The following AP2A1 variants were observed in gnomAD, a reference collection of about 807,000 sequenced individuals.
AP2A1 encodes the protein AP-2 complex subunit alpha-1.
Under a neutral mutation model 107.3 loss-of-function variants are expected in AP2A1, and 21 were observed. The observed-to-expected ratio is 0.20, with a 90% CI of 0.14 to 0.28. The LOEUF (loss-of-function observed/expected upper bound fraction) is 0.28, where lower values mean the gene tolerates loss of function less well. Ranked by LOEUF, AP2A1 falls within the 10% of genes least tolerant of loss-of-function variation. The pLI, the probability that AP2A1 is intolerant of heterozygous loss-of-function variation, is 1.00. For synonymous variants in AP2A1, 602 were observed against 564.8 expected (o/e 1.07, Z -0.93); for missense variants, 873 against 1,307.7 (o/e 0.67, Z 5.13).
At chr19:49,770,818 G>T (rs916750273) in intron 1 of AP2A1, among the ~76,000 whole-genome samples, 2 of 152,154 alleles carry the variant, frequency 1.3e-5, no homozygotes, top group Admixed American at 1.3e-4. Flanking sequence ...GTAGGGGCTG[G>T]TGGGATGGGG....
In AP2A1 at chr19:49,767,002, C is replaced by CCAGG. The variant is rs2084508597; in HGVS notation, c.-129_-128insGCAG. ...GCCTGCCAGCCCGCCCGCCCGCCCG[C>CCAGG]CAGCCAGCCCTCCCCGCGGCCGGCT... On this transcript the variant is annotated 5_prime_UTR_variant, in exon 1 of 23. Transcript: ENST00000354293. 3 of 924,176 alleles carry CCAGG rather than the reference C, an allele frequency of 3.2e-6. No individual in the cohort carries two copies. The highest frequency in any genetic ancestry group is 4.4e-6 in the Non-Finnish European group (3 of 687,996). 57.2% of individuals were successfully genotyped at this position (924,176 alleles called of 1,614,324 possible).
At chr19:49,798,083 T>C (rs938190181) in intron 7 of AP2A1, among the ~76,000 whole-genome samples, 1 of 152,246 alleles carries the variant, frequency 6.6e-6, no homozygotes, top group South Asian at 2.1e-4. Flanking sequence ...CTCTATCTGG[T>C]GAATTTTCCT....
chr19:49,802,826 G>A (rs1423990120), intron 15 of AP2A1, 123 bp from the exon 16 acceptor site: 2 of 1,218,050 alleles, frequency 1.6e-6, no homozygotes, highest in African/African-American at 3.0e-5. Context: ...GAGGCTCTGT[G>A]AGGGGTCTGG....
intron 6 of AP2A1, among the ~76,000 whole-genome samples, chr19:49,794,343 T>C (rs2123728743): frequency 6.6e-6 from 1 of 151,704 alleles, no homozygotes; most frequent in South Asian, 2.1e-4. Context: ...GCCTCCCGAG[T>C]AGCTGGGACT....
chr19:49,804,514 T>A lies in AP2A1; in HGVS notation c.2345-939T>A, dbSNP rs1024749508. The stretch of plus-strand genomic sequence containing the variant: ...GAGATTGCGCCGCTGCACTCCAGCC[T>A]GGGCGACAGCGAGACTCCGTCTCAG... On this transcript the variant is annotated intron_variant, in intron 18 of 22. Coordinates refer to ENST00000354293, the MANE Select transcript of AP2A1 (RefSeq NM_130787.3). 3 of 147,848 alleles carry A rather than the reference T, an allele frequency of 2.0e-5. No homozygotes were observed. In the East Asian group the frequency reaches 6.0e-4, roughly 29 times the overall value. The allele number at this position is 147,848 out of a possible 1,614,324, so 9.2% of individuals were successfully genotyped here.
intron 11 of AP2A1, 94 bp from the exon 12 acceptor site, chr19:49,800,867 T>A: frequency 9.7e-7 from 1 of 1,029,460 alleles, no homozygotes; most frequent in South Asian, 1.5e-5. Flanking sequence ...AGCAGAGCTT[T>A]CAGTGTTCCA....
intron 18 of AP2A1, chr19:49,803,762 C>T: frequency 3.1e-6 from 1 of 318,226 alleles, no homozygotes. Flanking sequence ...AGTCACTTTG[C>T]CTCTCTGGGC....
intron 4 of AP2A1, among the ~76,000 whole-genome samples, chr19:49,791,662 G>A (rs1208619699): frequency 6.6e-6 from 1 of 152,224 alleles, no homozygotes; most frequent in Non-Finnish European, 1.5e-5. Flanking sequence ...TGGGCACCCA[G>A]TAGGTGCTTG....
At position 49,807,051 on chromosome 19, in the gene AP2A1, C is replaced by G; in HGVS notation, c.*293C>G. The G allele has an allele frequency of 6.4e-7, 1 of 1,558,376 alleles. No homozygotes were observed. ...CCCACCCCACCCTGTTGTAGCCCCTCCTACCCCCTCCCCATCCAGGGGCTG... is the reference window on the plus strand; with the variant it reads ...CCCACCCCACCCTGTTGTAGCCCCTGCTACCCCCTCCCCATCCAGGGGCTG... On this transcript the variant is annotated 3_prime_UTR_variant, in exon 23 of 23. Coordinates refer to ENST00000354293, the MANE Select transcript of AP2A1 (RefSeq NM_130787.3).
intron 1 of AP2A1, among the ~76,000 whole-genome samples, chr19:49,779,508 AAAAC>A (rs1397446048): frequency 1.4e-4 from 21 of 151,366 alleles, no homozygotes; most frequent in African/African-American, 5.1e-4. Context: ...AAAAAAAAAA[AAAAC>A]AGAAACAGGC....
intron 6 of AP2A1, among the ~76,000 whole-genome samples, chr19:49,794,221 G>GTT (rs35239509): frequency 3.5e-4 from 46 of 131,730 alleles, no homozygotes; most frequent in South Asian, 4.9e-4. Context: ...TCTTTCTCAG[G>GTT]TTTTTTTTTT....
intron 4 of AP2A1, among the ~76,000 whole-genome samples, chr19:49,787,872 G>A (rs1332061543): frequency 2.0e-5 from 3 of 152,132 alleles, no homozygotes; most frequent in East Asian, 1.9e-4. Flanking sequence ...AAATGGAACC[G>A]CACAGTAGGT....
At chr19:49,776,931 G>T (rs947671487) in intron 1 of AP2A1, among the ~76,000 whole-genome samples, 1 of 152,132 alleles carries the variant, frequency 6.6e-6, no homozygotes, top group East Asian at 1.9e-4. Context: ...ACCATTTAAA[G>T]CCTATTTAAA....
intron 1 of AP2A1, among the ~76,000 whole-genome samples, chr19:49,773,185 C>T (rs550355368): frequency 6.6e-6 from 1 of 152,182 alleles, no homozygotes; most frequent in East Asian, 1.9e-4. Flanking sequence ...GGGCCCAGCC[C>T]GAGGGCGTGT....
intron 1 of AP2A1, among the ~76,000 whole-genome samples, chr19:49,774,294 T>A (rs2084594985): frequency 6.6e-6 from 1 of 152,060 alleles, no homozygotes; most frequent in Non-Finnish European, 1.5e-5. Context: ...ATCCCTGGCC[T>A]CATGGCACTG....
chr19:49,799,049 T>C (rs2073244969), intron 8 of AP2A1, 97 bp downstream of exon 8: 3 of 1,472,078 alleles, frequency 2.0e-6, no homozygotes, highest in South Asian at 1.3e-5. Flanking sequence ...GCAGGGAATC[T>C]TGACTTTTAG....
At position 49,793,101 on chromosome 19, in the gene AP2A1, G is replaced by A. The variant is rs2073167300; in HGVS notation, c.705+9G>A. 1 of 1,593,168 alleles carries A rather than the reference G, an allele frequency of 6.3e-7. No homozygotes were observed. Among genetic ancestry groups the A allele is most frequent in the East Asian group, 2.3e-5 (1 of 43,936 alleles). ...TGTCGCGCCTGAGCCGGGTGGGTGT[G>A]GCCTAGATATTGGCTGCTGGAGGTG... On this transcript the variant is annotated intron_variant, in intron 6 of 22. Coordinates refer to ENST00000354293, the MANE Select transcript of AP2A1 (RefSeq NM_130787.3).
Position 49,799,311 on chromosome 19 carries a change from T to C in AP2A1, c.966-16T>C, listed in dbSNP as rs2073248094. 2.5e-6 allele frequency: 4 copies of C among 1,606,930 alleles called. No individual in the cohort carries two copies. The highest frequency in any genetic ancestry group is 1.7e-4 in the Middle Eastern group (1 of 6,044). On this transcript the variant is annotated splice_polypyrimidine_tract_variant and intron_variant, in intron 8 of 22. Transcript: ENST00000354293. Reference sequence around the variant, plus strand: ...AGTTTCTCTCACCATCCCTCTCTTGTGGCCCCTGCTGGCAGTGAGCCCAAC... The same window carrying C: ...AGTTTCTCTCACCATCCCTCTCTTGCGGCCCCTGCTGGCAGTGAGCCCAAC...
chr19:49,790,155 G>C (rs543697574), intron 4 of AP2A1, among the ~76,000 whole-genome samples: 1 of 152,246 alleles, frequency 6.6e-6, no homozygotes, highest in South Asian at 2.1e-4. Flanking sequence ...CGTCCCTTCC[G>C]GGGGCCCTAG....
Sources: gnomAD v4.1 joint callset for allele counts (sites outside exome capture counted in the v4.1 genomes callset) on GRCh38, gnomAD v4.1.1 for gene constraint, MANE v1.5 for transcripts, NCBI Gene and HGNC (gene_info 2026-07-23, HGNC 2026-07-21) for gene names.